Variants in CTH observed in about 807,000 individuals in gnomAD.
The protein encoded by CTH is cystathionase (cystathionine gamma-lyase).
A neutral mutation model predicts 50.6 loss-of-function variants in CTH; 41 were observed. The ratio of observed to expected loss-of-function variants is 0.81; its 90% CI spans 0.63 to 1.05. CTH has a LOEUF of 1.05. Ranked by LOEUF, CTH falls within the 50% of genes least tolerant of loss-of-function variation. The pLI is 0.00. For missense variants in CTH, 470 were observed against 492.6 expected, an observed-to-expected ratio of 0.95 and a Z score of 0.43; for synonymous variants, 156 against 168.9, an observed-to-expected ratio of 0.92 and a Z score of 0.59.
intron 2 of CTH, 112 bp downstream of exon 2, chr1:70,416,149 T>C: frequency 2.8e-6 from 2 of 722,864 alleles, no homozygotes; most frequent in South Asian, 1.5e-5. Flanking sequence ...TCAAAATTCC[T>C]GTTCTACTGC....
chr1:70,430,222 A>C, intron 6 of CTH, 95 bp from the exon 7 acceptor site: 1 of 764,496 alleles, frequency 1.3e-6, no homozygotes, highest in Non-Finnish European at 2.2e-6. Context: ...AGTTTTTTCA[A>C]GTGAAAATCA....
chr1:70,421,718 GT>G (rs766994995), intron 4 of CTH, 43 bp downstream of exon 4: 1 of 1,583,598 alleles, frequency 6.3e-7, no homozygotes, highest in South Asian at 1.1e-5. Context: ...TTCCTTCGAT[GT>G]TTTGTTTTCA....
intron 1 of CTH, among the ~76,000 whole-genome samples, chr1:70,412,730 T>C (rs1169899193): frequency 6.6e-6 from 1 of 152,238 alleles, no homozygotes; most frequent in Non-Finnish European, 1.5e-5. Flanking sequence ...ACTGATCCTG[T>C]ATAAATGGGG....
intron 5 of CTH, among the ~76,000 whole-genome samples, chr1:70,425,742 A>G (rs1005522603): frequency 6.6e-6 from 1 of 152,144 alleles, no homozygotes; most frequent in African/African-American, 2.4e-5. Context: ...GGTGCTACAC[A>G]CTTTTAAACA....
rs756644264 is a variant in CTH, at chr1:70,424,350, T to A, written c.522T>A (p.His174Gln). The A allele has an allele frequency of 6.2e-7, 1 of 1,614,048 alleles. No individual in the cohort carries two copies. The highest frequency in any genetic ancestry group is 8.5e-7 in the Non-Finnish European group (1 of 1,179,956). ...QKVIDIEGCA[H>Q]IVHKHGDIIL... Reference sequence around the variant, plus strand: ...TGATTGACATTGAAGGCTGTGCACATATTGTCCATAAGCATGGAGACATTA... The same window carrying A: ...TGATTGACATTGAAGGCTGTGCACAAATTGTCCATAAGCATGGAGACATTA... Residue 174 changes from histidine to glutamine, a missense_variant, in exon 5 of 12, where the codon CAT becomes CAA. Coordinates refer to ENST00000370938, the MANE Select transcript of CTH (RefSeq NM_001902.6).
At position 70,433,876 on chromosome 1, in the gene CTH, G is replaced by T; in HGVS notation, c.926G>T (p.Gly309Val). The change falls in exon 9 of 12, where the codon GGT becomes GTT. Residue 309 changes from glycine (G) to valine (V), a missense_variant. Physicochemically the swap from Gly to Val is moderately radical, Grantham distance 109. Coordinates refer to ENST00000370938, the MANE Select transcript of CTH (RefSeq NM_001902.6). ...QHELVKRQCT[G>V]CTGMVTFYIK... is the part of the protein sequence containing the mutation. The stretch of plus-strand genomic sequence containing the variant: ...GAGTTGGTGAAGCGTCAGTGTACAG[G>T]TTGTACAGGGATGGTCACCTTTTAT... The T allele has an allele frequency of 6.2e-7, 1 of 1,614,068 alleles. No homozygotes were observed. The highest frequency in any genetic ancestry group is 8.5e-7 in the Non-Finnish European group (1 of 1,179,998).
intron 9 of CTH, among the ~76,000 whole-genome samples, chr1:70,434,193 C>G (rs563876175): frequency 6.6e-6 from 1 of 152,330 alleles, no homozygotes; most frequent in South Asian, 2.1e-4. Flanking sequence ...TATTCTAATG[C>G]ATTTATTTAA....
intron 8 of CTH, 133 bp from the exon 9 acceptor site, chr1:70,433,695 C>T (rs1288656150): frequency 1.4e-6 from 2 of 1,380,404 alleles, no homozygotes; most frequent in Non-Finnish European, 2.0e-6. Flanking sequence ...AGCAAGTAGT[C>T]AGATGTGAGC....
chr1:70,414,481 C>T (rs1684045304), intron 1 of CTH, among the ~76,000 whole-genome samples: 1 of 150,954 alleles, frequency 6.6e-6, no homozygotes, highest in Non-Finnish European at 1.5e-5. Flanking sequence ...GGCAACAGAG[C>T]GAGACTCCCT....
At chr1:70,421,879 T>C (rs1430524114) in intron 4 of CTH, among the ~76,000 whole-genome samples, 3 of 152,196 alleles carry the variant, frequency 2.0e-5, no homozygotes, top group African/African-American at 7.2e-5. Context: ...GAATTCAAAT[T>C]GTGATTCTGT....
At chr1:70,426,345 T>G (rs1684346321) in intron 5 of CTH, among the ~76,000 whole-genome samples, 1 of 152,308 alleles carries the variant, frequency 6.6e-6, no homozygotes, top group Non-Finnish European at 1.5e-5. Flanking sequence ...CTTAGTACAC[T>G]TCCTGTAGTT....
intron 10 of CTH, among the ~76,000 whole-genome samples, chr1:70,435,665 T>C (rs1188223576): frequency 6.6e-6 from 1 of 152,026 alleles, no homozygotes; most frequent in East Asian, 1.9e-4. Context: ...AAACCTTTAA[T>C]GTCTTCATGT....
chr1:70,435,138 C>A lies in CTH; in HGVS notation c.1013C>A (p.Ala338Asp). ...TCTTTGCTATAGCTATTTACTCTGG[C>A]CGAGAGCTTGGGAGGATTCGAAAGC... is the stretch of plus-strand genomic sequence containing the variant. ...FLKNLKLFTLAESLGGFESLA... is the reference protein window; with the variant it reads ...FLKNLKLFTLDESLGGFESLA... Residue 338 changes from alanine (A) to aspartate (D), a missense_variant, in exon 10 of 12, where the codon GCC (alanine) becomes GAC (aspartate). Ala to Asp is a moderately radical substitution (Grantham distance 126). Transcript: ENST00000370938. The A allele has an allele frequency of 6.2e-7, 1 of 1,612,774 alleles. No individual in the cohort carries two copies. The highest frequency in any genetic ancestry group is 8.5e-7 in the Non-Finnish European group (1 of 1,179,334).
rs1216908147 is a variant in CTH, at chr1:70,435,106, C to A, written c.1000-19C>A. On this transcript the variant is annotated intron_variant, in intron 9 of 11. Transcript: ENST00000370938. ...TTTATTTTACTAGAAAATCTAAATT[C>A]ATGTTTTCTTTGCTATAGCTATTTA... 2 of 1,606,088 alleles carry A rather than the reference C, an allele frequency of 1.2e-6. No individual in the cohort carries two copies. The highest frequency in any genetic ancestry group is 1.7e-6 in the Non-Finnish European group (2 of 1,175,126).
chr1:70,413,560 G>T (rs114616815), intron 1 of CTH, among the ~76,000 whole-genome samples: 3,287 of 151,152 alleles, frequency 0.022, 135 homozygotes, highest in African/African-American at 0.076. Context: ...CACGGCGCCC[G>T]GCTCACAGCC....
chr1:70,413,863 TCCCGAGTAGCTGAGATTACAGCTG>T (rs1006496974), intron 1 of CTH, among the ~76,000 whole-genome samples: 1 of 150,934 alleles, frequency 6.6e-6, no homozygotes, highest in African/African-American at 2.4e-5. Flanking sequence ...TACCTCAGCT[TCCCGAGTAGCTGAGATTACAGCTG>T]CCCGCCACCA....
intron 10 of CTH, among the ~76,000 whole-genome samples, chr1:70,437,486 A>G (rs1572274547): frequency 6.6e-6 from 1 of 152,294 alleles, no homozygotes; most frequent in Middle Eastern, 3.4e-3. Flanking sequence ...AGATGCATCT[A>G]TTATTATTTC....
rs760690858 is a variant in CTH at position 70,435,163 on chromosome 1, C to T, written c.1038C>T (p.Ser346=). 41 of 1,612,990 alleles carry T rather than the reference C, an allele frequency of 2.5e-5. No homozygotes were observed. In the Admixed American group the frequency reaches 6.3e-4, roughly 25 times the overall value. ...TLAESLGGFE[S]LAELPAIMTH... is the part of the protein sequence containing the mutation. ...CCGAGAGCTTGGGAGGATTCGAAAG[C>T]CTTGCTGAGCTTCCGTAAGTATAGT... Residue 346 remains serine (S), a synonymous_variant, in exon 10 of 12, where the codon AGC becomes AGT. Transcript: ENST00000370938.
chr1:70,434,658 A>G (rs1684554587), intron 9 of CTH, among the ~76,000 whole-genome samples: 1 of 151,490 alleles, frequency 6.6e-6, no homozygotes, highest in African/African-American at 2.4e-5. Flanking sequence ...AGTGATATAT[A>G]TTAACAAGGA....
Sources: allele counts gnomAD v4.1 joint callset (sites outside exome capture counted in the v4.1 genomes callset), GRCh38; gene constraint gnomAD v4.1.1; transcripts MANE v1.5; gene names NCBI Gene and HGNC (gene_info 2026-07-23, HGNC 2026-07-21).